The following GRID1 variants were observed in gnomAD, a reference collection of about 807,000 sequenced individuals.
The protein encoded by GRID1 is glutamate receptor ionotropic, delta-1.
Under a neutral mutation model 98.0 loss-of-function variants are expected in GRID1, and 28 were observed. The ratio of observed to expected loss-of-function variants is 0.29; its 90% CI spans 0.21 to 0.39. The LOEUF (loss-of-function observed/expected upper bound fraction) is 0.39. Among genes scored for constraint, GRID1 ranks in the 10% least tolerant of loss-of-function variants. GRID1 has a pLI of 1.00. For synonymous variants in GRID1, 553 were observed against 538.5 expected (o/e 1.03, Z -0.37); for missense variants, 1,111 against 1,340.5 (o/e 0.83, Z 2.67).
chr10:86,059,187 C>T (rs1479953609), intron 4 of GRID1, among the ~76,000 whole-genome samples: 2 of 152,126 alleles, frequency 1.3e-5, no homozygotes, highest in African/African-American at 2.4e-5. Context: ...GGAGCAGGTG[C>T]GGCTGGTCCA....
At position 85,766,567 on chromosome 10, in the gene GRID1, T is replaced by TA. The variant is rs562320014; in HGVS notation, c.1234-36954dup. 5.5e-4 allele frequency among the ~76,000 whole-genome samples: 83 copies of TA among 152,250 alleles called. 1 individual carries two copies. The East Asian group carries it at 0.015, about 27-fold the overall frequency. ...CAAAACTTTTCTAAACAACTACTAATAAAAAACTTTCAATCAACCATACCA... is the reference window on the plus strand; with the variant it reads ...CAAAACTTTTCTAAACAACTACTAATAAAAAAACTTTCAATCAACCATACCA... On this transcript the variant is annotated intron_variant, in intron 8 of 15. Coordinates refer to ENST00000327946, the MANE Select transcript of GRID1 (RefSeq NM_017551.3).
intron 14 of GRID1, among the ~76,000 whole-genome samples, chr10:85,614,425 C>T (rs1423388196): frequency 6.6e-6 from 1 of 152,150 alleles, no homozygotes; most frequent in Non-Finnish European, 1.5e-5. Context: ...CCATGCTTGG[C>T]AAATAGTGTT....
intron 4 of GRID1, among the ~76,000 whole-genome samples, chr10:85,920,895 G>T (rs944753402): frequency 1.8e-4 from 28 of 152,178 alleles, no homozygotes; most frequent in African/African-American, 6.8e-4. Context: ...CCCCGTGGGA[G>T]CTGGGAACTA....
chr10:86,296,013 G>A (rs146649949), intron 2 of GRID1, among the ~76,000 whole-genome samples: 37 of 152,276 alleles, frequency 2.4e-4, no homozygotes, highest in African/African-American at 7.0e-4. Flanking sequence ...AGCTCAGCTC[G>A]GCCCTAGCTA....
At chr10:85,653,620 C>A (rs1173913968) in intron 12 of GRID1, among the ~76,000 whole-genome samples, 1 of 152,136 alleles carries the variant, frequency 6.6e-6, no homozygotes, top group Non-Finnish European at 1.5e-5. Context: ...AACTTAATAC[C>A]CAATGTGGCA....
intron 2 of GRID1, among the ~76,000 whole-genome samples, chr10:86,323,632 C>T (rs933755505): frequency 1.3e-5 from 2 of 152,282 alleles, no homozygotes; most frequent in African/African-American, 4.8e-5. Context: ...TGGCTGCCAG[C>T]GGCCGGGGGA....
chr10:86,020,421 C>T (rs551256321), intron 4 of GRID1, among the ~76,000 whole-genome samples: 27 of 152,328 alleles, frequency 1.8e-4, no homozygotes, highest in African/African-American at 4.8e-4. Flanking sequence ...GCAGCTCCAG[C>T]CTGTGGGCCC....
intron 4 of GRID1, among the ~76,000 whole-genome samples, chr10:86,046,184 T>G (rs1264205831): frequency 6.6e-6 from 1 of 152,166 alleles, no homozygotes; most frequent in Non-Finnish European, 1.5e-5. Context: ...CAGAAGTTAC[T>G]ACCCTTCCCC....
At chr10:85,722,939 G>C in intron 12 of GRID1, 64 bp downstream of exon 12, 1 of 1,459,080 alleles carries the variant, frequency 6.9e-7, no homozygotes, top group Non-Finnish European at 9.3e-7. Flanking sequence ...GCCCTGGAAA[G>C]GTTTACATCC....
intron 8 of GRID1, among the ~76,000 whole-genome samples, chr10:85,785,740 G>A (rs1431134953): frequency 6.6e-6 from 1 of 152,054 alleles, no homozygotes; most frequent in African/African-American, 2.4e-5. Flanking sequence ...TACCACCACA[G>A]CCATCTCCAC....
chr10:85,962,507 T>C (rs991910803), intron 4 of GRID1, among the ~76,000 whole-genome samples: 5 of 152,230 alleles, frequency 3.3e-5, no homozygotes, highest in African/African-American at 1.2e-4. Flanking sequence ...CCTGGAGCCA[T>C]GTCAGCTTCC....
At chr10:86,118,119 C>T (rs919711980) in intron 4 of GRID1, among the ~76,000 whole-genome samples, 2 of 152,114 alleles carry the variant, frequency 1.3e-5, no homozygotes, top group South Asian at 2.1e-4. Flanking sequence ...TATATACACA[C>T]ACACACACAT....
chr10:86,096,311 C>T (rs189357922), intron 4 of GRID1, among the ~76,000 whole-genome samples: 1 of 152,210 alleles, frequency 6.6e-6, no homozygotes, highest in African/African-American at 2.4e-5. Context: ...TTCATGTAAC[C>T]AAATAACACC....
intron 2 of GRID1, among the ~76,000 whole-genome samples, chr10:86,319,459 C>T (rs1168241048): frequency 6.6e-6 from 1 of 152,172 alleles, no homozygotes; most frequent in Non-Finnish European, 1.5e-5. Flanking sequence ...GCCAGGAATG[C>T]AATCCAGGTC....
At chr10:85,909,218 T>C (rs772184097) in intron 5 of GRID1, among the ~76,000 whole-genome samples, 16 of 152,020 alleles carry the variant, frequency 1.1e-4, no homozygotes, top group Non-Finnish European at 2.1e-4. Flanking sequence ...ATGAGGGAAA[T>C]GAAAAATCAA....
intron 8 of GRID1, among the ~76,000 whole-genome samples, chr10:85,804,527 T>A (rs1842604882): frequency 6.6e-6 from 1 of 151,862 alleles, no homozygotes. Context: ...ACCAATGTTA[T>A]ACTCATTCAA....
At chr10:86,122,093 G>C (rs1844685397) in intron 4 of GRID1, among the ~76,000 whole-genome samples, 1 of 152,218 alleles carries the variant, frequency 6.6e-6, no homozygotes, top group Non-Finnish European at 1.5e-5. Flanking sequence ...TGCCATAGAA[G>C]GGAGACAAAT....
intron 3 of GRID1, 117 bp from the exon 4 acceptor site, chr10:86,139,141 C>T: frequency 1.4e-6 from 1 of 705,260 alleles, no homozygotes. Flanking sequence ...AAATGAGGGT[C>T]CAAGTCAGCC....
At chr10:86,204,306 G>A (rs1285331486) in intron 3 of GRID1, among the ~76,000 whole-genome samples, 2 of 152,164 alleles carry the variant, frequency 1.3e-5, no homozygotes, top group Admixed American at 6.5e-5. Context: ...TCTATGCCAG[G>A]CACCATGCAG....
Sources: allele counts gnomAD v4.1 joint callset (sites outside exome capture counted in the v4.1 genomes callset), GRCh38; gene constraint gnomAD v4.1.1; transcripts MANE v1.5; gene names NCBI Gene and HGNC (gene_info 2026-07-23, HGNC 2026-07-21).